Variants in ROBO2 observed in about 807,000 individuals in gnomAD.
The protein encoded by ROBO2 is roundabout guidance receptor 2.
ROBO2 carries 53 observed loss-of-function variants against 160.8 expected under a neutral mutation model. That is an observed-to-expected ratio of 0.33 (90% CI 0.26 to 0.41). The LOEUF is 0.41. ROBO2 is among the 10% of genes least tolerant of loss of function. ROBO2 has a pLI of 1.00. For synonymous variants in ROBO2, 664 were observed against 611.7 expected, an observed-to-expected ratio of 1.09 and a Z score of -1.26; for missense variants, 1,577 against 1,722.4, an observed-to-expected ratio of 0.92 and a Z score of 1.49.
chr3:77,477,997 T>C (rs928182927), intron 3 of ROBO2, among the ~76,000 whole-genome samples: 2 of 152,028 alleles, frequency 1.3e-5, no homozygotes, highest in African/African-American at 4.8e-5. Context: ...CAGCTATTTT[T>C]TGTATTTTTT....
At chr3:77,076,328 C>T (rs56213228) in intron 1 of ROBO2, among the ~76,000 whole-genome samples, 9,778 of 152,110 alleles carry the variant, frequency 0.064, 338 homozygotes, top group East Asian at 0.12. Flanking sequence ...ATTAGACTGG[C>T]TTTTAAATTA....
At chr3:76,057,190 G>A (rs2067878869) in intron 2 of ROBO2, among the ~76,000 whole-genome samples, 1 of 151,990 alleles carries the variant, frequency 6.6e-6, no homozygotes, top group South Asian at 2.1e-4. Flanking sequence ...CTGATACTAG[G>A]CGTATGCGGG....
intron 2 of ROBO2, among the ~76,000 whole-genome samples, chr3:77,232,315 T>C (rs1258949456): frequency 6.6e-6 from 1 of 152,152 alleles, no homozygotes; most frequent in African/African-American, 2.4e-5. Context: ...GAATTTCCTT[T>C]CTTGGTGAGT....
At chr3:77,180,435 T>TATATATG (rs1491200828) in intron 2 of ROBO2, among the ~76,000 whole-genome samples, 1 of 63,938 alleles carries the variant, frequency 1.6e-5, no homozygotes, top group African/African-American at 6.7e-5. Context: ...TATATATGTA[T>TATATATG]TTTTTTTTTT....
Position 76,621,719 on chromosome 3 carries a change from A to T in ROBO2, c.110-476295A>T, listed in dbSNP as rs189707776. 1.8e-3 allele frequency among the ~76,000 whole-genome samples: 271 copies of T among 152,356 alleles called. 1 individual carries two copies. The highest frequency in any genetic ancestry group is 3.2e-3 in the Non-Finnish European group (219 of 68,040). On this transcript the variant is annotated intron_variant, in intron 2 of 26. Coordinates refer to the ROBO2 transcript ENST00000487694. ...ATAGTTCCTGAAAAATAGGTACCAC[A>T]TAAGTACTTGTTACTGCTATTAGTT...
intron 2 of ROBO2, among the ~76,000 whole-genome samples, chr3:76,644,345 A>G (rs1455139923): frequency 2.6e-5 from 4 of 152,184 alleles, no homozygotes; most frequent in Admixed American, 1.3e-4. Flanking sequence ...ATAAACAAAC[A>G]AAAATATGCT....
intron 1 of ROBO2, among the ~76,000 whole-genome samples, chr3:77,053,061 T>A (rs2065379191): frequency 6.6e-6 from 1 of 152,320 alleles, no homozygotes; most frequent in South Asian, 2.1e-4. Flanking sequence ...TCATGACCTC[T>A]CCTTTTATCT....
chr3:76,227,149 T>C (rs1704338518), intron 2 of ROBO2, among the ~76,000 whole-genome samples: 1 of 152,206 alleles, frequency 6.6e-6, no homozygotes. Context: ...TCCTTTCTCT[T>C]TCTGAAAGTA....
intron 2 of ROBO2, among the ~76,000 whole-genome samples, chr3:76,802,589 C>T (rs1308256961): frequency 6.6e-6 from 1 of 151,850 alleles, no homozygotes; most frequent in African/African-American, 2.4e-5. Flanking sequence ...ATTAGCCGGG[C>T]GTGGTGGCGG....
chr3:76,192,349 C>G (rs965550117), intron 2 of ROBO2, among the ~76,000 whole-genome samples: 1 of 152,016 alleles, frequency 6.6e-6, no homozygotes, highest in African/African-American at 2.4e-5. Context: ...TATTCCCATC[C>G]TTCTCCATTC....
chr3:76,943,926 A>C (rs1281081340), intron 2 of ROBO2, among the ~76,000 whole-genome samples: 1 of 152,212 alleles, frequency 6.6e-6, no homozygotes, highest in Non-Finnish European at 1.5e-5. Context: ...TAATGTGACT[A>C]ATAAATTATA....
At chr3:77,048,315 G>A (rs975866251) in intron 1 of ROBO2, among the ~76,000 whole-genome samples, 3 of 151,656 alleles carry the variant, frequency 2.0e-5, no homozygotes, top group East Asian at 2.0e-4. Context: ...GGAACTTATC[G>A]GTGGCCTCGC....
intron 2 of ROBO2, among the ~76,000 whole-genome samples, chr3:76,000,613 C>A (rs977907509): frequency 8.6e-5 from 13 of 151,692 alleles, no homozygotes; most frequent in African/African-American, 3.1e-4. Context: ...CTCAGCCTCC[C>A]GAGTAGCTGG....
intron 2 of ROBO2, among the ~76,000 whole-genome samples, chr3:76,455,008 A>G (rs1279346754): frequency 6.6e-6 from 1 of 152,150 alleles, no homozygotes; most frequent in Non-Finnish European, 1.5e-5. Context: ...AAAAGGAAAA[A>G]AATTGTGGTC....
chr3:77,294,067 G>A (rs1352308547), intron 2 of ROBO2, among the ~76,000 whole-genome samples: 4 of 141,976 alleles, frequency 2.8e-5, no homozygotes, highest in Non-Finnish European at 6.0e-5. Flanking sequence ...GTTGAGGCTA[G>A]AACAGTAAAG....
At chr3:77,275,820 A>G (rs561623299) in intron 2 of ROBO2, among the ~76,000 whole-genome samples, 2 of 152,184 alleles carry the variant, frequency 1.3e-5, no homozygotes, top group African/African-American at 4.8e-5. Flanking sequence ...CCTAAAAATT[A>G]TTTTCTCTTA....
At position 77,353,082 on chromosome 3, in the gene ROBO2, G is replaced by A. The variant is rs1205012703; in HGVS notation, c.389-124332G>A. On this transcript the variant is annotated intron_variant, in intron 2 of 25. Transcript: ENST00000461745. ...TATGATGAAGGAATAAATTCTTAAT[G>A]GCTTAAACTTTTTCATAGTTTAAAA... is the stretch of plus-strand genomic sequence containing the variant. Among the ~76,000 whole-genome samples the A allele has an allele frequency of 3.9e-5, 4 of 103,706 alleles. No homozygotes were observed. In the East Asian group the frequency reaches 1.3e-3, roughly 33 times the overall value. The allele number at this position is 103,706 out of a possible 152,430, so 68.0% of individuals were successfully genotyped here.
chr3:77,129,509 G>A (rs1040253822), intron 2 of ROBO2, among the ~76,000 whole-genome samples: 1 of 152,198 alleles, frequency 6.6e-6, no homozygotes, highest in Non-Finnish European at 1.5e-5. Flanking sequence ...GGTTGTGGAA[G>A]CGTTTTTCCC....
chr3:77,483,153 A>C (rs73842891), intron 4 of ROBO2, among the ~76,000 whole-genome samples: 5,879 of 152,272 alleles, frequency 0.039, 141 homozygotes, highest in Non-Finnish European at 0.042. Context: ...AATGTTTATT[A>C]GATGGTGTAA....
Sources: allele counts gnomAD v4.1 joint callset (sites outside exome capture counted in the v4.1 genomes callset), GRCh38; gene constraint gnomAD v4.1.1; transcripts MANE v1.5; gene names NCBI Gene and HGNC (gene_info 2026-07-23, HGNC 2026-07-21).